The following SHISA9 variants were observed in gnomAD, a reference collection of about 807,000 sequenced individuals.
SHISA9 encodes the protein protein shisa-9.
Under a neutral mutation model 38.0 loss-of-function variants are expected in SHISA9, and 13 were observed. That is an observed-to-expected ratio of 0.34 (90% CI 0.22 to 0.54). SHISA9 has a LOEUF of 0.54. Among genes scored for constraint, SHISA9 ranks in the 20% least tolerant of loss-of-function variants. SHISA9 has a pLI of 0.91. For synonymous variants in SHISA9, 275 were observed against 242.0 expected (o/e 1.14, Z -1.27); for missense variants, 538 against 575.8 (o/e 0.93, Z 0.67).
intron 2 of SHISA9, among the ~76,000 whole-genome samples, chr16:13,040,874 A>C (rs1396191320): frequency 6.6e-6 from 1 of 152,168 alleles, no homozygotes; most frequent in African/African-American, 2.4e-5. Context: ...TGAGCTTTGC[A>C]AGCCTTTTTC....
intron 2 of SHISA9, among the ~76,000 whole-genome samples, chr16:13,140,568 AT>A (rs1567225321): frequency 3.9e-5 from 6 of 152,198 alleles, no homozygotes; most frequent in African/African-American, 1.4e-4. Context: ...CAAGTTCTGC[AT>A]TTAATTTACA....
At chr16:13,308,437 G>T in the SHISA9 span, among the ~76,000 whole-genome samples, 1 of 152,174 alleles carries the variant, frequency 6.6e-6, no homozygotes, top group Non-Finnish European at 1.5e-5. Flanking sequence ...GGGTCCTGAG[G>T]TTGCATTATT....
rs1217042049 is a variant in SHISA9, at chr16:13,082,756, A to G, written c.692-120638A>G. Among the ~76,000 whole-genome samples the G allele has an allele frequency of 3.3e-5, 5 of 152,178 alleles. No individual in the cohort carries two copies. The South Asian group carries it at 6.2e-4, about 19-fold the overall frequency. On this transcript the variant is annotated intron_variant, in intron 2 of 4. Transcript: ENST00000558583. ...AAAGGCAATGAAAGTACTCTTTGCA[A>G]TGGTAGTTTGTACATGTGTGGGTGG...
the SHISA9 span, among the ~76,000 whole-genome samples, chr16:13,390,451 C>T: frequency 6.6e-6 from 1 of 152,042 alleles, no homozygotes; most frequent in East Asian, 1.9e-4. Flanking sequence ...CTGTCTTTGT[C>T]CCTCTGTGTT....
intron 2 of SHISA9, among the ~76,000 whole-genome samples, chr16:12,940,967 C>T (rs933270472): frequency 2.0e-5 from 3 of 152,182 alleles, no homozygotes; most frequent in Non-Finnish European, 2.9e-5. Context: ...TCTTCCCTAC[C>T]GTCACCAGTT....
chr16:13,434,775 A>C, the SHISA9 span, among the ~76,000 whole-genome samples: 1 of 152,208 alleles, frequency 6.6e-6, no homozygotes, highest in Non-Finnish European at 1.5e-5. Context: ...AGAATGAAGA[A>C]TAAATGAACG....
intron 4 of SHISA9, among the ~76,000 whole-genome samples, chr16:13,228,053 A>T (rs2051296384): frequency 6.6e-6 from 1 of 152,222 alleles, no homozygotes; most frequent in African/African-American, 2.4e-5. Context: ...ATCTCATGCA[A>T]TTCATTGCTC....
intron 2 of SHISA9, among the ~76,000 whole-genome samples, chr16:13,041,008 C>A (rs1259860575): frequency 6.6e-6 from 1 of 152,182 alleles, no homozygotes; most frequent in Non-Finnish European, 1.5e-5. Context: ...GCAGTAGACA[C>A]AAAGCCCTTC....
At chr16:13,011,287 A>G (rs1001540770) in intron 2 of SHISA9, among the ~76,000 whole-genome samples, 21 of 151,328 alleles carry the variant, frequency 1.4e-4, no homozygotes, top group Non-Finnish European at 2.6e-4. Context: ...AGTGAAGCAA[A>G]TTCACATAAC....
At chr16:13,172,741 ATTTT>A (rs35564627) in intron 2 of SHISA9, among the ~76,000 whole-genome samples, 11 of 128,884 alleles carry the variant, frequency 8.5e-5, no homozygotes, top group African/African-American at 1.8e-4. Context: ...TATCTTGATG[ATTTT>A]TTTTTTTTTT....
the SHISA9 span, among the ~76,000 whole-genome samples, chr16:13,521,636 A>C: frequency 6.6e-6 from 1 of 152,222 alleles, no homozygotes; most frequent in East Asian, 1.9e-4. Context: ...GGTTTTTAAA[A>C]GTAGATAGCT....
the SHISA9 span, among the ~76,000 whole-genome samples, chr16:13,313,018 G>A: frequency 1.3e-5 from 2 of 151,862 alleles, no homozygotes; most frequent in Non-Finnish European, 2.9e-5. Context: ...CACTTTGGGA[G>A]GCCGAGGCGG....
intron 2 of SHISA9, among the ~76,000 whole-genome samples, chr16:13,087,511 C>T (rs141899599): frequency 0.024 from 3,586 of 152,122 alleles, 139 homozygotes; most frequent in African/African-American, 0.081. Flanking sequence ...TTTTAATGAT[C>T]GCCATTCTAA....
chr16:13,171,726 G>T (rs554899509), intron 2 of SHISA9, among the ~76,000 whole-genome samples: 2 of 152,096 alleles, frequency 1.3e-5, no homozygotes, highest in African/African-American at 4.8e-5. Flanking sequence ...GTGGATGGGG[G>T]CTGTGTGGGC....
At chr16:12,951,260 CA>C (rs113668400) in intron 2 of SHISA9, among the ~76,000 whole-genome samples, 25,133 of 120,446 alleles carry the variant, frequency 0.21, 2,872 homozygotes, top group Middle Eastern at 0.38. Flanking sequence ...GGCAAAAAAG[CA>C]AAAAAAAAGA....
intron 2 of SHISA9, among the ~76,000 whole-genome samples, chr16:13,199,400 A>G (rs2050982151): frequency 6.6e-6 from 1 of 152,204 alleles, no homozygotes; most frequent in African/African-American, 2.4e-5. Flanking sequence ...TGCATTTTCC[A>G]TCTCGAGGCA....
intron 2 of SHISA9, among the ~76,000 whole-genome samples, chr16:13,069,237 ATGTG>A (rs1005925930): frequency 7.9e-5 from 12 of 151,894 alleles, no homozygotes; most frequent in African/African-American, 2.9e-4. Context: ...GCATGTATAT[ATGTG>A]TATGTGTATA....
chr16:13,261,310 A>G, the SHISA9 span, among the ~76,000 whole-genome samples: 1 of 152,182 alleles, frequency 6.6e-6, no homozygotes, highest in Non-Finnish European at 1.5e-5. Flanking sequence ...TTTATAGATG[A>G]TAATGATAAT....
the SHISA9 span, among the ~76,000 whole-genome samples, chr16:13,457,306 A>AAAAC: frequency 0.55 from 83,030 of 151,238 alleles, 23,676 homozygotes; most frequent in East Asian, 0.9. Context: ...AACTCTATCA[A>AAAAC]AAACAAACAA....
Sources: allele counts gnomAD v4.1 joint callset (sites outside exome capture counted in the v4.1 genomes callset), GRCh38; gene constraint gnomAD v4.1.1; transcripts MANE v1.5; gene names NCBI Gene and HGNC (gene_info 2026-07-23, HGNC 2026-07-21).